Variants in JMY observed in about 807,000 individuals in gnomAD.
The protein encoded by JMY is junction mediating and regulatory protein, p53 cofactor.
JMY carries 46 observed loss-of-function variants against 103.3 expected under a neutral mutation model. The ratio of observed to expected loss-of-function variants is 0.45; its 90% CI spans 0.35 to 0.57. The LOEUF (loss-of-function observed/expected upper bound fraction) is 0.57. Ranked by LOEUF, JMY falls within the 20% of genes least tolerant of loss-of-function variation. The probability of loss-of-function intolerance (pLI) is 0.00; values close to 1 mark genes in which losing one functional copy is unlikely to be tolerated. For missense variants in JMY, 1,238 were observed against 1,255.2 expected (o/e 0.99, Z 0.21); for synonymous variants, 526 against 489.3 (o/e 1.07, Z -0.99).
rs538237290 is a variant in JMY at position 79,305,310 on chromosome 5, G to A, written c.1882-1065G>A. Among the ~76,000 whole-genome samples the A allele has an allele frequency of 1.6e-4, 24 of 152,172 alleles. No individual in the cohort carries two copies. The South Asian group carries it at 3.5e-3, about 22-fold the overall frequency. ...ACTAAAAATACAAAAAAATTAGCCA[G>A]GCGTGATGGCATGCGCCTGTAGTCC... On this transcript the variant is annotated intron_variant, in intron 6 of 10. Coordinates refer to ENST00000396137, the MANE Select transcript of JMY (RefSeq NM_152405.5).
At chr5:79,268,774 C>A (rs138701239) in intron 1 of JMY, among the ~76,000 whole-genome samples, 323 of 152,328 alleles carry the variant, frequency 2.1e-3, no homozygotes, top group African/African-American at 7.3e-3. Flanking sequence ...AGGCGTGAGC[C>A]ACCGCGCCCG....
chr5:79,240,360 G>C (rs1438153277), intron 1 of JMY, among the ~76,000 whole-genome samples: 1 of 150,134 alleles, frequency 6.7e-6, no homozygotes, highest in Non-Finnish European at 1.5e-5. Context: ...GCCCAGGCTG[G>C]ACTGTACTGG....
chr5:79,238,537 C>G (rs773820496), intron 1 of JMY, among the ~76,000 whole-genome samples: 3 of 152,026 alleles, frequency 2.0e-5, no homozygotes, highest in African/African-American at 7.2e-5. Context: ...AAAATAGACC[C>G]AGTTTTCCCT....
chr5:79,259,726 G>A (rs1010981596), intron 1 of JMY, among the ~76,000 whole-genome samples: 4 of 152,248 alleles, frequency 2.6e-5, no homozygotes, highest in African/African-American at 9.6e-5. Flanking sequence ...CAGACCTAGG[G>A]TTGGCCTCAA....
At chr5:79,317,604 A>G (rs1365071021) in intron 10 of JMY, among the ~76,000 whole-genome samples, 3 of 152,144 alleles carry the variant, frequency 2.0e-5, no homozygotes, top group Admixed American at 1.3e-4. Flanking sequence ...CTAGGCTTCA[A>G]ACATTCACCA....
intron 4 of JMY, among the ~76,000 whole-genome samples, chr5:79,292,704 G>A (rs1373187571): frequency 6.6e-6 from 1 of 152,072 alleles, no homozygotes; most frequent in African/African-American, 2.4e-5. Flanking sequence ...GCAGGGGAGG[G>A]TAAGATTTCT....
intron 6 of JMY, among the ~76,000 whole-genome samples, chr5:79,303,752 A>G (rs1282029645): frequency 6.6e-6 from 1 of 152,204 alleles, no homozygotes; most frequent in African/African-American, 2.4e-5. Context: ...CAGGTGCTCC[A>G]GAAAGGTAAA....
chr5:79,277,480 A>G (rs941256220), intron 1 of JMY, among the ~76,000 whole-genome samples: 4 of 151,714 alleles, frequency 2.6e-5, no homozygotes, highest in Non-Finnish European at 4.4e-5. Context: ...AAAAAAATAT[A>G]TACAATAACT....
intron 9 of JMY, 63 bp from the exon 10 acceptor site, chr5:79,315,937 T>C (rs1243053683): frequency 7.1e-7 from 1 of 1,417,380 alleles, no homozygotes; most frequent in African/African-American, 1.4e-5. Context: ...GTAGAGGTTA[T>C]ACAGTTTCAT....
At chr5:79,281,356 T>A (rs1001426404) in intron 2 of JMY, among the ~76,000 whole-genome samples, 5 of 33,066 alleles carry the variant, frequency 1.5e-4, no homozygotes, top group East Asian at 1.3e-3. Flanking sequence ...GAAATTAATT[T>A]TTTTTTTTTT....
chr5:79,279,324 ACT>A (rs1460539844), intron 2 of JMY, among the ~76,000 whole-genome samples: 3 of 152,126 alleles, frequency 2.0e-5, no homozygotes, highest in Admixed American at 6.5e-5. Flanking sequence ...ACACAGCAAG[ACT>A]CTGTCTCAAA....
intron 2 of JMY, chr5:79,284,470 C>T: frequency 1.3e-6 from 2 of 1,586,680 alleles, no homozygotes. Flanking sequence ...AAGAGGTCTT[C>T]TGTATCTGAT....
Position 79,323,470 on chromosome 5 carries a change from C to T in JMY, c.*1868C>T, listed in dbSNP as rs1169356364. 1 of 152,128 alleles carries T rather than the reference C, an allele frequency of 6.6e-6. No individual in the cohort carries two copies. The highest frequency in any genetic ancestry group is 1.5e-5 in the Non-Finnish European group (1 of 68,032). The allele number at this position is 152,128 out of a possible 1,614,324, so 9.4% of individuals were successfully genotyped here. ...CTTGGTAAAATATTAAAGCGTATTT[C>T]TTAACCCAAAGAGTGATTGGTTATA... On this transcript the variant is annotated 3_prime_UTR_variant, in exon 11 of 11. Transcript: ENST00000396137.
At chr5:79,245,635 T>C (rs1744876967) in intron 1 of JMY, among the ~76,000 whole-genome samples, 2 of 152,182 alleles carry the variant, frequency 1.3e-5, no homozygotes, top group Middle Eastern at 3.4e-3. Context: ...TTGGTTTTTT[T>C]CTTTTTTTGA....
rs1254446039 is a variant in JMY at position 79,324,144 on chromosome 5, C to G, written c.*2542C>G. ...AGGGTCTACTTGTCCATCAAGATGA[C>G]ATTACCAGTGGAACCCACCTGTTAA... On this transcript the variant is annotated 3_prime_UTR_variant, in exon 11 of 11. Transcript: ENST00000396137. 2 of 152,212 alleles carry G rather than the reference C, an allele frequency of 1.3e-5. No individual in the cohort carries two copies. Among genetic ancestry groups the G allele is most frequent in the African/African-American group, 2.4e-5 (1 of 41,462 alleles). 9.4% of individuals were successfully genotyped at this position (152,212 alleles called of 1,614,324 possible).
intron 1 of JMY, among the ~76,000 whole-genome samples, chr5:79,249,592 G>A (rs569395424): frequency 6.6e-6 from 1 of 152,296 alleles, no homozygotes; most frequent in Non-Finnish European, 1.5e-5. Context: ...TAAAGGAGAT[G>A]AATGGAGGAA....
Position 79,270,651 on chromosome 5 carries a change from A to AATATATTTACATAAATATTTATATAAG in JMY, c.1033-7253_1033-7252insTTACATAAATATTTATATAAGATATAT, listed in dbSNP as rs1580344856. On this transcript the variant is annotated intron_variant, in intron 1 of 10. Transcript: ENST00000396137. ...TATATTTACATAAATATTTATATAA[A>AATATATTTACATAAATATTTATATAAG]ATATATATTTACATAAATATAAAAT... Among the ~76,000 whole-genome samples, 14 of 72,884 alleles carry AATATATTTACATAAATATTTATATAAG rather than the reference A, an allele frequency of 1.9e-4. No homozygotes were observed. In the East Asian group the frequency reaches 3.9e-3, roughly 20 times the overall value. 47.8% of individuals were successfully genotyped at this position (72,884 alleles called of 152,430 possible). A position where few individuals can be genotyped will look rare whatever the true frequency, so the allele number is the denominator to read the frequency against.
At chr5:79,248,623 T>C (rs1482764683) in intron 1 of JMY, among the ~76,000 whole-genome samples, 1 of 151,918 alleles carries the variant, frequency 6.6e-6, no homozygotes, top group Non-Finnish European at 1.5e-5. Context: ...CTTATAATTA[T>C]AGTAAATAAT....
At chr5:79,294,649 G>C (rs946233997) in intron 4 of JMY, among the ~76,000 whole-genome samples, 1 of 152,096 alleles carries the variant, frequency 6.6e-6, no homozygotes, top group African/African-American at 2.4e-5. Context: ...CTGAGGTCAG[G>C]AGTTCGAGAC....
Sources: allele counts gnomAD v4.1 joint callset (sites outside exome capture counted in the v4.1 genomes callset), GRCh38; gene constraint gnomAD v4.1.1; transcripts MANE v1.5; gene names NCBI Gene and HGNC (gene_info 2026-07-23, HGNC 2026-07-21).